The following ABCA1 variants were observed in gnomAD, a reference collection of about 807,000 sequenced individuals.
The protein encoded by ABCA1 is phospholipid-transporting ATPase ABCA1.
ABCA1 carries 133 observed loss-of-function variants against 262.5 expected under a neutral mutation model. That is an observed-to-expected ratio of 0.51 (90% CI 0.44 to 0.59). The LOEUF (loss-of-function observed/expected upper bound fraction) is 0.59, where lower values mean the gene tolerates loss of function less well. Ranked by LOEUF, ABCA1 falls within the 20% of genes least tolerant of loss-of-function variation. The probability of loss-of-function intolerance (pLI) is 0.00; values close to 1 mark genes in which losing one functional copy is unlikely to be tolerated. For synonymous variants in ABCA1, 1,022 were observed against 1,043.5 expected (o/e 0.98, Z 0.40); for missense variants, 2,452 against 2,777.5 (o/e 0.88, Z 2.63).
chr9:104,916,787 C>A (rs1841870459), intron 1 of ABCA1, among the ~76,000 whole-genome samples: 1 of 152,320 alleles, frequency 6.6e-6, no homozygotes, highest in Non-Finnish European at 1.5e-5. Context: ...TCAAGCAATT[C>A]TCCTGCCTCC....
In ABCA1 at chr9:104,790,930, G is replaced by T. The variant is rs1258415769; in HGVS notation, c.5919C>A (p.Asn1973Lys). ...TTVTRGDAFLNKNSILSNIHE... is the reference protein window; with the variant it reads ...TTVTRGDAFLKKNSILSNIHE... ...GCCACTTCTTTTCTCACCTATTTTTGTTAAGGAAAGCATCTCCTCTGGTAA... is the reference window on the plus strand; with the variant it reads ...GCCACTTCTTTTCTCACCTATTTTTTTTAAGGAAAGCATCTCCTCTGGTAA... Residue 1973 changes from asparagine to lysine, a missense_variant, in exon 44 of 50, where the codon AAC becomes AAA. Transcript: ENST00000374736. 1 of 1,609,992 alleles carries T rather than the reference G, an allele frequency of 6.2e-7. No homozygotes were observed. Among genetic ancestry groups the T allele is most frequent in the Admixed American group, 1.7e-5 (1 of 59,986 alleles).
At chr9:104,877,842 CTT>C (rs552258951) in intron 5 of ABCA1, among the ~76,000 whole-genome samples, 2 of 152,242 alleles carry the variant, frequency 1.3e-5, no homozygotes, top group Non-Finnish European at 2.9e-5. Flanking sequence ...CACACTCACT[CTT>C]ATACCAATGT....
chr9:104,787,915 CT>C lies in ABCA1; in HGVS notation c.6204+4del, dbSNP rs767844796. 6.2e-7 allele frequency: 1 copy of C among 1,613,910 alleles called. No homozygotes were observed. The highest frequency in any genetic ancestry group is 8.5e-7 in the Non-Finnish European group (1 of 1,179,916). ...CAACAGTTTTCCATCCACAGTTATA[CT>C]CACCAGAAACACCACAGGAGGCCCG... On this transcript the variant is annotated splice_donor_region_variant and intron_variant, in intron 46 of 49. Coordinates refer to ENST00000374736, the MANE Select transcript of ABCA1 (RefSeq NM_005502.4).
rs867289059 is a variant in ABCA1, at chr9:104,796,205, G to A, written c.5238-8C>T. 6.2e-7 allele frequency: 1 copy of A among 1,614,122 alleles called. No individual in the cohort carries two copies. The highest frequency in any genetic ancestry group is 8.5e-7 in the Non-Finnish European group (1 of 1,180,018). ...AGAGGTGTGATTGACCACCTGTTGA[G>A]ACACAAAAAGATAAGTGTCTACTGA... On this transcript the variant is annotated splice_region_variant and splice_polypyrimidine_tract_variant and intron_variant, in intron 38 of 49. Transcript: ENST00000374736.
intron 1 of ABCA1, among the ~76,000 whole-genome samples, chr9:104,918,723 G>A (rs1466636772): frequency 6.6e-6 from 1 of 152,132 alleles, no homozygotes; most frequent in Non-Finnish European, 1.5e-5. Context: ...CCTGGGAATG[G>A]AGAAGGGTCT....
intron 1 of ABCA1, among the ~76,000 whole-genome samples, chr9:104,916,847 A>G (rs988048709): frequency 1.3e-5 from 2 of 152,116 alleles, no homozygotes; most frequent in African/African-American, 4.8e-5. Context: ...GCCCAGCCAG[A>G]AAATATGTCT....
intron 2 of ABCA1, among the ~76,000 whole-genome samples, chr9:104,896,629 C>A (rs12341993): frequency 0.15 from 22,738 of 147,070 alleles, 2,154 homozygotes; most frequent in African/African-American, 0.27. Context: ...ATTCAGGGTA[C>A]ATTCTGGGCT....
intron 20 of ABCA1, 60 bp downstream of exon 20, chr9:104,821,315 G>C (rs974278145): frequency 6.3e-7 from 1 of 1,596,758 alleles, no homozygotes; most frequent in Non-Finnish European, 8.6e-7. Context: ...CTCCTCCCAT[G>C]ATGGCATGAC....
intron 19 of ABCA1, among the ~76,000 whole-genome samples, chr9:104,822,042 G>C (rs1832403592): frequency 6.6e-6 from 1 of 152,168 alleles, no homozygotes; most frequent in Admixed American, 6.5e-5. Flanking sequence ...GCTAACGCTG[G>C]TGCTTTACAG....
intron 5 of ABCA1, among the ~76,000 whole-genome samples, chr9:104,869,500 A>G (rs934651433): frequency 6.6e-6 from 1 of 152,088 alleles, no homozygotes; most frequent in African/African-American, 2.4e-5. Flanking sequence ...TCTTTATGGT[A>G]TTTTTTTGGT....
chr9:104,881,668 A>T (rs1207637945), intron 5 of ABCA1, among the ~76,000 whole-genome samples: 1 of 152,192 alleles, frequency 6.6e-6, no homozygotes, highest in African/African-American at 2.4e-5. Context: ...GTCTCTTGCT[A>T]CAGAGGTAAA....
chr9:104,792,777 C>G lies in ABCA1; in HGVS notation c.5757+9G>C, dbSNP rs1377575889. The G allele has an allele frequency of 1.2e-6, 2 of 1,613,992 alleles. No homozygotes were observed. Among genetic ancestry groups the G allele is most frequent in the Non-Finnish European group, 1.7e-6 (2 of 1,179,934 alleles). ...TGAAGATGAGCTATTGTAACCTGTA[C>G]TCTCTCACCTTCGTCAACTCCTTGA... is the stretch of plus-strand genomic sequence containing the variant. On this transcript the variant is annotated intron_variant, in intron 42 of 49. Transcript: ENST00000374736.
intron 27 of ABCA1, 49 bp from the exon 28 acceptor site, chr9:104,812,771 G>A (rs1266010456): frequency 1.9e-6 from 3 of 1,610,412 alleles, no homozygotes; most frequent in Non-Finnish European, 2.5e-6. Context: ...GGTGTTTTCG[G>A]CATTGCCATG....
At chr9:104,904,510 G>A (rs1162634485) in intron 1 of ABCA1, among the ~76,000 whole-genome samples, 1 of 149,874 alleles carries the variant, frequency 6.7e-6, no homozygotes, top group East Asian at 2.0e-4. Context: ...GAGGTGCAGT[G>A]AGCCAAGATT....
intron 30 of ABCA1, among the ~76,000 whole-genome samples, chr9:104,806,715 C>T (rs1233315609): frequency 6.6e-6 from 1 of 152,170 alleles, no homozygotes; most frequent in Non-Finnish European, 1.5e-5. Context: ...AATCAACCAA[C>T]CATTTGCTCA....
chr9:104,906,190 T>G (rs1328473273), intron 1 of ABCA1, among the ~76,000 whole-genome samples: 1 of 152,162 alleles, frequency 6.6e-6, no homozygotes, highest in African/African-American at 2.4e-5. Flanking sequence ...GCAAATCCAT[T>G]GTGGGTTTCT....
intron 16 of ABCA1, among the ~76,000 whole-genome samples, chr9:104,826,298 G>A (rs2118989486): frequency 6.6e-6 from 1 of 152,278 alleles, no homozygotes; most frequent in East Asian, 1.9e-4. Flanking sequence ...ATGAAGCCCA[G>A]ACTGAGGCAA....
intron 7 of ABCA1, among the ~76,000 whole-genome samples, chr9:104,854,262 A>G (rs916668896): frequency 1.3e-5 from 2 of 152,192 alleles, no homozygotes; most frequent in Non-Finnish European, 2.9e-5. Flanking sequence ...GATATCCTGG[A>G]TGAGCTCCAA....
In ABCA1 at chr9:104,824,558, G is replaced by A. The variant is rs370414528; in HGVS notation, c.2563C>T (p.Pro855Ser). 1.3e-5 allele frequency: 21 copies of A among 1,613,748 alleles called. No homozygotes were observed. Among genetic ancestry groups the A allele is most frequent in the Non-Finnish European group, 1.6e-5 (19 of 1,180,032 alleles). The change falls in exon 18 of 50, where the codon CCC becomes TCC. Residue 855 changes from proline to serine, a missense_variant. By Grantham distance (74) the Pro-to-Ser change is moderately conservative. Coordinates refer to ENST00000374736, the MANE Select transcript of ABCA1 (RefSeq NM_005502.4). ...VFPGQYGIPR[P>S]WYFPCTKSYW... is the part of the protein sequence containing the mutation. ...GACTTGGTGCAAGGAAAATACCAGG[G>A]CCTGGGAATTCCGTACTGGCCTGAA...
Sources: gnomAD v4.1 joint callset for allele counts (sites outside exome capture counted in the v4.1 genomes callset) on GRCh38, gnomAD v4.1.1 for gene constraint, MANE v1.5 for transcripts, NCBI Gene and HGNC (gene_info 2026-07-23, HGNC 2026-07-21) for gene names.